PCDH15: variants seen among roughly 807,000 people sequenced by gnomAD.
The protein encoded by PCDH15 is protocadherin related 15, also known as protocadherin-15.
Under a neutral mutation model 178.5 loss-of-function variants are expected in PCDH15, and 129 were observed. The observed-to-expected ratio is 0.72, with a 90% CI of 0.63 to 0.84. PCDH15 has a LOEUF of 0.84. Ranked by LOEUF, PCDH15 falls within the 40% of genes least tolerant of loss-of-function variation. The pLI, the probability that PCDH15 is intolerant of heterozygous loss-of-function variation, is 0.00. For synonymous variants in PCDH15, 800 were observed against 732.0 expected (o/e 1.09, Z -1.50); for missense variants, 2,230 against 2,099.9 (o/e 1.06, Z -1.21).
intron 1 of PCDH15, among the ~76,000 whole-genome samples, chr10:55,217,618 G>T (rs12219370): frequency 0.26 from 39,351 of 151,536 alleles, 5,376 homozygotes; most frequent in Middle Eastern, 0.35. Flanking sequence ...TATTCATAAT[G>T]CTGAATCATA....
intron 2 of PCDH15, among the ~76,000 whole-genome samples, chr10:54,582,376 T>C (rs2091117079): frequency 6.6e-6 from 1 of 152,088 alleles, no homozygotes; most frequent in South Asian, 2.1e-4. Flanking sequence ...GATAATTTCA[T>C]TGAATCTGTG....
At chr10:54,730,252 C>T (rs1359897263) in intron 1 of PCDH15, among the ~76,000 whole-genome samples, 2 of 151,496 alleles carry the variant, frequency 1.3e-5, no homozygotes, top group Non-Finnish European at 3.0e-5. Context: ...TTTTCAGCAA[C>T]GTGGATGGAA....
chr10:54,908,226 A>G (rs1245220987), intron 2 of PCDH15, among the ~76,000 whole-genome samples: 3 of 152,176 alleles, frequency 2.0e-5, no homozygotes, highest in Non-Finnish European at 4.4e-5. Context: ...CAAGGGGTGT[A>G]TGAGTGGGCA....
At chr10:55,588,541 T>C (rs1842772023) in intron 2 of PCDH15, among the ~76,000 whole-genome samples, 1 of 152,110 alleles carries the variant, frequency 6.6e-6, no homozygotes, top group South Asian at 2.1e-4. Flanking sequence ...ACAATAACAA[T>C]TTAATGTCAA....
At chr10:54,275,519 T>C (rs2058302294) in intron 8 of PCDH15, among the ~76,000 whole-genome samples, 2 of 151,708 alleles carry the variant, frequency 1.3e-5, no homozygotes, top group South Asian at 4.1e-4. Context: ...TATTAAATGA[T>C]CAAGAACTTG....
chr10:54,683,407 T>C (rs1010199030), intron 1 of PCDH15, among the ~76,000 whole-genome samples: 1 of 152,066 alleles, frequency 6.6e-6, no homozygotes, highest in South Asian at 2.1e-4. Context: ...AATTTGACTA[T>C]TCTGGGTATG....
chr10:54,521,666 A>G (rs1043290211), intron 3 of PCDH15, among the ~76,000 whole-genome samples: 2 of 152,200 alleles, frequency 1.3e-5, no homozygotes, highest in African/African-American at 4.8e-5. Flanking sequence ...AGAAATCATC[A>G]CATTCATATT....
At position 54,742,606 on chromosome 10, in the gene PCDH15, C is replaced by T. The variant is rs369774652; in HGVS notation, c.-29+58319G>A. Among the ~76,000 whole-genome samples, 46 of 152,048 alleles carry T rather than the reference C, an allele frequency of 3.0e-4. 2 individuals are homozygous for T. The South Asian group carries it at 8.9e-3, about 29-fold the overall frequency. ...AGAGACAATAGATTTCCACTGATGA[C>T]GTAGAGTGACACATCCTGAGTAAGG... On this transcript the variant is annotated intron_variant, in intron 1 of 37. Coordinates refer to ENST00000644397, the MANE Select transcript of PCDH15 (RefSeq NM_001384140.1).
intron 2 of PCDH15, among the ~76,000 whole-genome samples, chr10:55,350,750 G>T (rs1035933282): frequency 2.6e-5 from 4 of 151,822 alleles, no homozygotes; most frequent in Non-Finnish European, 4.4e-5. Context: ...GAGAATTTTG[G>T]TGCAGCTCTA....
intron 2 of PCDH15, among the ~76,000 whole-genome samples, chr10:55,526,666 C>A (rs1373845340): frequency 1.3e-5 from 2 of 152,086 alleles, no homozygotes; most frequent in Admixed American, 6.6e-5. Context: ...CTTTGACAGA[C>A]TATCACACTC....
intron 1 of PCDH15, among the ~76,000 whole-genome samples, chr10:55,289,144 A>G (rs1294664471): frequency 6.6e-6 from 1 of 152,038 alleles, no homozygotes; most frequent in Non-Finnish European, 1.5e-5. Flanking sequence ...ATTCTTTTCT[A>G]CAGGAGAGAA....
intron 2 of PCDH15, among the ~76,000 whole-genome samples, chr10:54,930,949 A>T (rs1837756636): frequency 6.6e-6 from 1 of 152,194 alleles, no homozygotes; most frequent in Non-Finnish European, 1.5e-5. Context: ...TTTACAATGT[A>T]TTTCCATCAG....
chr10:55,357,427 T>G (rs1845107238), intron 2 of PCDH15, among the ~76,000 whole-genome samples: 1 of 151,946 alleles, frequency 6.6e-6, no homozygotes, highest in South Asian at 2.1e-4. Context: ...GTAGAAACTT[T>G]CAATAGAAGG....
At chr10:55,165,564 T>C (rs2132117571) in intron 2 of PCDH15, among the ~76,000 whole-genome samples, 1 of 152,140 alleles carries the variant, frequency 6.6e-6, no homozygotes, top group South Asian at 2.1e-4. Context: ...TTTTTATTTT[T>C]AGTATTTTAA....
rs75292710 is a variant in PCDH15 at position 54,882,881 on chromosome 10, G to C, written c.-29+14569C>G. 7.7e-3 allele frequency among the ~76,000 whole-genome samples: 1,175 copies of C among 152,126 alleles called. 19 individuals carry two copies. Among genetic ancestry groups the C allele is most frequent in the East Asian group, 0.052 (268 of 5,170 alleles). On this transcript the variant is annotated intron_variant, in intron 3 of 5. Transcript: ENST00000458638. ...ATTAGTATGATGTACTGTCGCCATA[G>C]CCATAAACAGTCGGTTTTTATGTTT...
At position 54,066,866 on chromosome 10, in the gene PCDH15, T is replaced by C; in HGVS notation, c.2111A>G (p.Asn704Ser). 6.2e-7 allele frequency: 1 copy of C among 1,613,358 alleles called. No individual in the cohort carries two copies. Among genetic ancestry groups the C allele is most frequent in the East Asian group, 2.2e-5 (1 of 44,782 alleles). Residue 704 changes from asparagine to serine, a missense_variant, in exon 18 of 38, where the codon AAC becomes AGC. Asn to Ser is a conservative substitution (Grantham distance 46). Coordinates refer to ENST00000644397, the MANE Select transcript of PCDH15 (RefSeq NM_001384140.1). ...RPDGTSTATV[N>S]IVVTDVNDNA... ...GTCATTGACATCTGTCACCACTATG[T>C]TTACTGTGGCAGTTGAGGTCTTAAA...
At chr10:55,429,476 A>G (rs1838831699) in intron 2 of PCDH15, among the ~76,000 whole-genome samples, 2 of 152,100 alleles carry the variant, frequency 1.3e-5, no homozygotes, top group Admixed American at 1.3e-4. Context: ...TATCTCTACA[A>G]AATGTGTCTT....
chr10:55,375,936 A>G (rs1357059456), intron 2 of PCDH15, among the ~76,000 whole-genome samples: 3 of 151,972 alleles, frequency 2.0e-5, no homozygotes, highest in Non-Finnish European at 2.9e-5. Flanking sequence ...TGAAAATACT[A>G]TGTTAATAAA....
In PCDH15 at chr10:55,453,265, T is replaced by A. The variant is rs187943902; in HGVS notation, c.-156+174360A>T. ...ACAAGATCATCAGCAAGAGGATAGG[T>A]GGATTAGATGCCCTCCCACATGATA... On this transcript the variant is annotated intron_variant, in intron 2 of 5. Transcript: ENST00000613346. Among the ~76,000 whole-genome samples the A allele has an allele frequency of 4.6e-5, 7 of 152,212 alleles. No individual in the cohort carries two copies. The East Asian group carries it at 1.4e-3, about 29-fold the overall frequency.
Sources: allele counts gnomAD v4.1 joint callset (sites outside exome capture counted in the v4.1 genomes callset), GRCh38; gene constraint gnomAD v4.1.1; transcripts MANE v1.5; gene names NCBI Gene and HGNC (gene_info 2026-07-23, HGNC 2026-07-21).